Variants in NAALAD2 observed in about 807,000 individuals in gnomAD.
NAALAD2 encodes the protein N-acetylated-alpha-linked acidic dipeptidase 2.
Under a neutral mutation model 95.6 loss-of-function variants are expected in NAALAD2, and 89 were observed. The observed-to-expected ratio is 0.93, with a 90% CI of 0.78 to 1.11. The LOEUF (loss-of-function observed/expected upper bound fraction) is 1.11. Ranked by LOEUF, NAALAD2 falls within the 50% of genes least tolerant of loss-of-function variation. The pLI, the probability that NAALAD2 is intolerant of heterozygous loss-of-function variation, is 0.00. For missense variants in NAALAD2, 894 were observed against 872.4 expected (o/e 1.02, Z -0.31); for synonymous variants, 264 against 294.4 (o/e 0.90, Z 1.06).
intron 6 of NAALAD2, among the ~76,000 whole-genome samples, chr11:90,155,366 TGTA>T (rs1473792819): frequency 2.2e-4 from 18 of 80,236 alleles, no homozygotes; most frequent in Admixed American, 5.9e-4. Flanking sequence ...ATGTATAATA[TGTA>T]ATATTACATA....
chr11:90,142,990 C>T (rs1036794064), intron 2 of NAALAD2, among the ~76,000 whole-genome samples: 2 of 151,818 alleles, frequency 1.3e-5, no homozygotes, highest in Non-Finnish European at 2.9e-5. Context: ...TTCTTTATGT[C>T]CATTTACTCT....
At chr11:90,176,663 C>T (rs1952801353) in intron 15 of NAALAD2, among the ~76,000 whole-genome samples, 1 of 152,164 alleles carries the variant, frequency 6.6e-6, no homozygotes, top group African/African-American at 2.4e-5. Context: ...CATGTTTGCT[C>T]ATCAATGTTA....
Position 90,191,817 on chromosome 11 carries a change from C to A in NAALAD2, c.*70C>A. 1 of 1,245,206 alleles carries A rather than the reference C, an allele frequency of 8.0e-7. No individual in the cohort carries two copies. The highest frequency in any genetic ancestry group is 1.1e-6 in the Non-Finnish European group (1 of 930,854). The allele number at this position is 1,245,206 out of a possible 1,614,324, so 77.1% of individuals were successfully genotyped here. On this transcript the variant is annotated 3_prime_UTR_variant, in exon 19 of 19. Transcript: ENST00000534061. Reference sequence around the variant, plus strand: ...AGGATAAAATTCACCTTTCTGATAACTTATGAAGCCAGGGTGTTCTAAACT... The same window carrying A: ...AGGATAAAATTCACCTTTCTGATAAATTATGAAGCCAGGGTGTTCTAAACT...
chr11:90,172,350 C>T lies in NAALAD2; in HGVS notation c.1411-1474C>T, dbSNP rs142618359. On this transcript the variant is annotated intron_variant, in intron 13 of 18. Transcript: ENST00000534061. Reference sequence around the variant, plus strand: ...ATACAAAGCTAAGGGCAAGTGACCACTTCCCAGCCCTACCATTACTCTGTG... The same window carrying T: ...ATACAAAGCTAAGGGCAAGTGACCATTTCCCAGCCCTACCATTACTCTGTG... Among the ~76,000 whole-genome samples, 19 of 152,314 alleles carry T rather than the reference C, an allele frequency of 1.2e-4. No individual in the cohort carries two copies. The East Asian group carries it at 3.1e-3, about 25-fold the overall frequency.
intron 11 of NAALAD2, among the ~76,000 whole-genome samples, chr11:90,165,273 A>G (rs1432736948): frequency 6.6e-6 from 1 of 152,212 alleles, no homozygotes; most frequent in African/African-American, 2.4e-5. Flanking sequence ...TAATGCTGCA[A>G]TGAACATATG....
chr11:90,153,050 C>G (rs1043977342), intron 6 of NAALAD2, among the ~76,000 whole-genome samples: 3 of 152,158 alleles, frequency 2.0e-5, no homozygotes, highest in Non-Finnish European at 4.4e-5. Flanking sequence ...AATCCCTAGG[C>G]AACCATTCAT....
chr11:90,132,091 C>T (rs1218987139), upstream of NAALAD2: 2 of 152,566 alleles, frequency 1.3e-5, no homozygotes, highest in African/African-American at 4.8e-5. Flanking sequence ...TGAATGCTTG[C>T]AGTGTCTATA....
At chr11:90,138,137 T>C (rs1951498709) in intron 2 of NAALAD2, among the ~76,000 whole-genome samples, 2 of 152,234 alleles carry the variant, frequency 1.3e-5, no homozygotes, top group Non-Finnish European at 2.9e-5. Context: ...TATTATATGC[T>C]GTATTCTTAC....
intron 13 of NAALAD2, among the ~76,000 whole-genome samples, chr11:90,170,694 C>T (rs2134950036): frequency 6.6e-6 from 1 of 152,200 alleles, no homozygotes; most frequent in African/African-American, 2.4e-5. Context: ...CCTGAGGTGG[C>T]TGGGGGAAGT....
In NAALAD2 at chr11:90,152,211, C is replaced by T. The variant is rs577725099; in HGVS notation, c.610-87C>T. 10 of 1,238,418 alleles carry T rather than the reference C, an allele frequency of 8.1e-6. No individual in the cohort carries two copies. The African/African-American group carries it at 1.5e-4, about 19-fold the overall frequency. 76.7% of individuals were successfully genotyped at this position (1,238,418 alleles called of 1,614,324 possible). On this transcript the variant is annotated intron_variant, in intron 5 of 18. Coordinates refer to ENST00000534061, the MANE Select transcript of NAALAD2 (RefSeq NM_005467.4). Reference sequence around the variant, plus strand: ...TGGTAAAAGGCAGTGTCTAAATATCCTTCCATTATTAAATTAATGTCTTTC... The same window carrying T: ...TGGTAAAAGGCAGTGTCTAAATATCTTTCCATTATTAAATTAATGTCTTTC...
intron 11 of NAALAD2, among the ~76,000 whole-genome samples, chr11:90,168,083 G>A (rs147259045): frequency 3.3e-5 from 5 of 152,222 alleles, no homozygotes; most frequent in East Asian, 3.9e-4. Flanking sequence ...CACCTTGAAG[G>A]TCTGCAACTT....
At chr11:90,179,148 G>T (rs1952891657) in intron 16 of NAALAD2, among the ~76,000 whole-genome samples, 1 of 152,128 alleles carries the variant, frequency 6.6e-6, no homozygotes, top group Non-Finnish European at 1.5e-5. Flanking sequence ...AGCTGTGGTG[G>T]GTAGCACTTA....
At chr11:90,184,383 C>T (rs1020626498) in intron 18 of NAALAD2, among the ~76,000 whole-genome samples, 4 of 151,996 alleles carry the variant, frequency 2.6e-5, no homozygotes, top group African/African-American at 9.7e-5. Context: ...GATTTAAGGC[C>T]TGTAGAAGAT....
Position 90,171,638 on chromosome 11 carries a change from C to G in NAALAD2, c.1410+1502C>G, listed in dbSNP as rs369191674. 1.4e-4 allele frequency among the ~76,000 whole-genome samples: 22 copies of G among 152,196 alleles called. No individual in the cohort carries two copies. In the East Asian group the frequency reaches 4.3e-3, roughly 29 times the overall value. ...AGATAAATTCTTATCTGTGGGCATG[C>G]CAAGACCCAGTAGACAAAGGAGACT... On this transcript the variant is annotated intron_variant, in intron 13 of 18. Transcript: ENST00000534061.
At chr11:90,149,814 T>C (rs1951841340) in intron 4 of NAALAD2, among the ~76,000 whole-genome samples, 1 of 152,226 alleles carries the variant, frequency 6.6e-6, no homozygotes, top group Non-Finnish European at 1.5e-5. Context: ...TAGGATTTTA[T>C]AGATCATACC....
intron 18 of NAALAD2, among the ~76,000 whole-genome samples, chr11:90,188,005 C>A (rs549043805): frequency 1.3e-5 from 2 of 152,228 alleles, no homozygotes; most frequent in Admixed American, 1.3e-4. Flanking sequence ...TGAAGAGTTA[C>A]AGACAGAAAA....
At chr11:90,154,316 T>G (rs11018882) in intron 6 of NAALAD2, among the ~76,000 whole-genome samples, 20,297 of 151,866 alleles carry the variant, frequency 0.13, 1,526 homozygotes, top group South Asian at 0.2. Flanking sequence ...AATGAGGAAG[T>G]TTACTTCTAT....
intron 6 of NAALAD2, among the ~76,000 whole-genome samples, chr11:90,153,661 G>A (rs139056298): frequency 8.3e-4 from 127 of 152,126 alleles, no homozygotes; most frequent in African/African-American, 2.9e-3. Context: ...ATATTTGGGA[G>A]AATTGAATTA....
Position 90,177,981 on chromosome 11 carries a change from A to G in NAALAD2, c.1722A>G (p.Val574=). ...TGGCTCAATTACGAGGAGCACTGGT[A>G]TATGAGCTTGTGGATTCTAAAATCA... ...LSVAQLRGAL[V]YELVDSKIIP... is the part of the protein sequence containing the mutation. The change falls in exon 16 of 19, where the codon GTA becomes GTG. Residue 574 remains valine (V), a synonymous_variant. Transcript: ENST00000534061. 1 of 1,613,972 alleles carries G rather than the reference A, an allele frequency of 6.2e-7. No homozygotes were observed. Among genetic ancestry groups the G allele is most frequent in the South Asian group, 1.1e-5 (1 of 91,070 alleles).
Sources: allele counts gnomAD v4.1 joint callset (sites outside exome capture counted in the v4.1 genomes callset), GRCh38; gene constraint gnomAD v4.1.1; transcripts MANE v1.5; gene names NCBI Gene and HGNC (gene_info 2026-07-23, HGNC 2026-07-21).